The following MPDU1 variants were observed in gnomAD, a reference collection of about 807,000 sequenced individuals.
MPDU1 encodes mannose-P-dolichol utilization defect 1.
MPDU1 carries 18 observed loss-of-function variants against 27.6 expected under a neutral mutation model. The ratio of observed to expected loss-of-function variants is 0.65; its 90% CI spans 0.45 to 0.97. MPDU1 has a LOEUF of 0.97. Ranked by LOEUF, MPDU1 falls within the 50% of genes least tolerant of loss-of-function variation. MPDU1 has a pLI of 0.00. For missense variants in MPDU1, 279 were observed against 297.4 expected (o/e 0.94, Z 0.46); for synonymous variants, 142 against 131.1 (o/e 1.08, Z -0.57).
At chr17:7,584,129 G>C (rs924070017) in intron 1 of MPDU1, 164 bp downstream of exon 1, 7 of 733,030 alleles carry the variant, frequency 9.5e-6, no homozygotes, top group African/African-American at 1.7e-5. Context: ...CTTAGAGGGA[G>C]GACACCATAT....
chr17:7,584,757 C>A (rs1034998243), intron 1 of MPDU1, among the ~76,000 whole-genome samples: 1 of 152,040 alleles, frequency 6.6e-6, no homozygotes. Flanking sequence ...TTTGGGAGGC[C>A]GAAGCGGGTG....
Position 7,583,906 on chromosome 17 carries a change from CG to C in MPDU1, c.45del (p.Ile16PhefsTer41), listed in dbSNP as rs781526044. ...ADGPLKRLLV[P>X]ILLPEKCYDQ... Reference sequence around the variant, plus strand: ...GGACCGCTTAAACGGCTGCTCGTGCCGATTCTTTTACCTGAGAAATGCTACG... The same window carrying C: ...GGACCGCTTAAACGGCTGCTCGTGCCATTCTTTTACCTGAGAAATGCTACG... On this transcript the variant is annotated frameshift_variant, in exon 1 of 7. Transcript: ENST00000250124. LOFTEE classifies it high-confidence loss of function. The C allele has an allele frequency of 2.5e-6, 4 of 1,614,176 alleles. No individual in the cohort carries two copies. The highest frequency in any genetic ancestry group is 3.4e-6 in the Non-Finnish European group (4 of 1,180,052).
At position 7,587,238 on chromosome 17, in the gene MPDU1, G is replaced by A. The variant is rs1287948855; in HGVS notation, c.585G>A (p.Gly195=). The change falls in exon 6 of 7, where the codon GGG becomes GGA. Residue 195 remains glycine (G), a synonymous_variant. Coordinates refer to ENST00000250124, the MANE Select transcript of MPDU1 (RefSeq NM_004870.4). ...CCATCACAGTCTTCCTGCTGTTTGGGGGCTCCCTGGCCCGAATCTTCACTT... is the reference window on the plus strand; with the variant it reads ...CCATCACAGTCTTCCTGCTGTTTGGAGGCTCCCTGGCCCGAATCTTCACTT... The part of the protein sequence containing the change: ...LSAITVFLLF[G]GSLARIFTSI... 2 of 1,613,906 alleles carry A rather than the reference G, an allele frequency of 1.2e-6. No homozygotes were observed. Among genetic ancestry groups the A allele is most frequent in the Non-Finnish European group, 1.7e-6 (2 of 1,180,014 alleles).
chr17:7,588,120 G>A lies in MPDU1; in HGVS notation c.*569G>A, dbSNP rs1180199216. The A allele has an allele frequency of 2.5e-5, 16 of 631,174 alleles. No individual in the cohort carries two copies. The Admixed American group carries it at 3.4e-4, about 13-fold the overall frequency. 39.1% of individuals were successfully genotyped at this position (631,174 alleles called of 1,614,324 possible). On this transcript the variant is annotated 3_prime_UTR_variant, in exon 7 of 7. Coordinates refer to ENST00000250124, the MANE Select transcript of MPDU1 (RefSeq NM_004870.4). ...GTCTAGGCGGAAGGGAGTGGAGATGGGGCTGGTTCCTGCTGCAGTGAGGGG... is the reference window on the plus strand; with the variant it reads ...GTCTAGGCGGAAGGGAGTGGAGATGAGGCTGGTTCCTGCTGCAGTGAGGGG...
intron 1 of MPDU1, 26 bp from the exon 2 acceptor site, chr17:7,585,706 C>T (rs771090848): frequency 2.5e-6 from 4 of 1,612,878 alleles, no homozygotes; most frequent in East Asian, 4.5e-5. Context: ...CATCTCCTGT[C>T]TGCTTACCCT....
intron 6 of MPDU1, 29 bp from the exon 7 acceptor site, chr17:7,587,397 G>A (rs748205839): frequency 1.2e-6 from 2 of 1,613,932 alleles, no homozygotes; most frequent in Non-Finnish European, 1.7e-6. Flanking sequence ...ATGCTGAAGG[G>A]TAACCCTGGC....
intron 4 of MPDU1, 37 bp downstream of exon 4, chr17:7,586,814 C>CCTGGGAACCCTG (rs2071590497): frequency 6.2e-7 from 1 of 1,612,236 alleles, no homozygotes; most frequent in East Asian, 2.2e-5. Flanking sequence ...CTGTGTGGTT[C>CCTGGGAACCCTG]CTGGGAACCC....
chr17:7,585,742 C>G lies in MPDU1; in HGVS notation c.114C>G (p.Leu38=), dbSNP rs201061945. 5.5e-5 allele frequency: 89 copies of G among 1,614,004 alleles called. No homozygotes were observed. The highest frequency in any genetic ancestry group is 7.3e-5 in the Non-Finnish European group (86 of 1,180,024). The change falls in exon 2 of 7, where the codon CTC becomes CTG. Residue 38 remains leucine, a synonymous_variant. Coordinates refer to ENST00000250124, the MANE Select transcript of MPDU1 (RefSeq NM_004870.4). ...TTTTTCTCTCCTCAGTCCCCTGCCT[C>G]AAGATTCTCCTCAGCAAAGGCCTGG... ...VQWDLLHVPC[L]KILLSKGLGL...
chr17:7,583,787 C>T (rs752049478), upstream of MPDU1: 1 of 1,462,716 alleles, frequency 6.8e-7, no homozygotes, highest in Admixed American at 1.7e-5. Flanking sequence ...GAACGGGAGG[C>T]GGAGTGTCCG....
At position 7,587,462 on chromosome 17, in the gene MPDU1, GTCTCCTC is replaced by G; in HGVS notation, c.660_666del (p.Ser221AlafsTer47). 6.2e-7 allele frequency: 1 copy of G among 1,613,814 alleles called. No individual in the cohort carries two copies. Among genetic ancestry groups the G allele is most frequent in the South Asian group, 1.1e-5 (1 of 91,068 alleles). On this transcript the variant is annotated frameshift_variant, in exon 7 of 7. Transcript: ENST00000250124. LOFTEE classifies it high-confidence loss of function. ...TCCCCTGATGGCTGGGACCTTTGTG[GTCTCCTC>G]TCTCTGCAACGGCCTCATCGCCGCC...
rs141320993 is a variant in MPDU1 at position 7,586,727 on chromosome 17, C to G, written c.338C>G (p.Thr113Arg). ...WGEALFLMLQ[T>R]ITICFLVMHY... ...GAAGCCTTATTCCTGATGCTCCAGA[C>G]GATCACCATCTGCTTCCTGGTCATG... is the stretch of plus-strand genomic sequence containing the variant. Residue 113 changes from threonine (T) to arginine (R), a missense_variant, in exon 4 of 7, where the codon ACG becomes AGG. By Grantham distance (71) the Thr-to-Arg change is moderately conservative. Coordinates refer to ENST00000250124, the MANE Select transcript of MPDU1 (RefSeq NM_004870.4). 4.3e-6 allele frequency: 7 copies of G among 1,614,152 alleles called. No individual in the cohort carries two copies. The highest frequency in any genetic ancestry group is 2.2e-5 in the East Asian group (1 of 44,872).
In MPDU1 at chr17:7,586,047, G is replaced by T; in HGVS notation, c.271G>T (p.Val91Phe). The T allele has an allele frequency of 6.2e-7, 1 of 1,613,932 alleles. No homozygotes were observed. The change falls in exon 3 of 7, where the codon GTC becomes TTC. Residue 91 changes from valine to phenylalanine, a missense_variant. Coordinates refer to ENST00000250124, the MANE Select transcript of MPDU1 (RefSeq NM_004870.4). Reference protein sequence around the residue: ...LELVALTGTMVYSITNNFPFS... With the variant: ...LELVALTGTMFYSITNNFPFS... Reference sequence around the variant, plus strand: ...GCTAGTGGCATTGACTGGGACCATGGTCTACAGCATCACTAACAACTTCCC... The same window carrying T: ...GCTAGTGGCATTGACTGGGACCATGTTCTACAGCATCACTAACAACTTCCC...
rs368683775 is a variant in MPDU1, at chr17:7,587,605, TC to T, written c.*58del. The T allele has an allele frequency of 3.1e-5, 50 of 1,611,620 alleles. No individual in the cohort carries two copies. In the African/African-American group the frequency reaches 6.3e-4, roughly 20 times the overall value. On this transcript the variant is annotated 3_prime_UTR_variant, in exon 7 of 7. Transcript: ENST00000250124. ...ACTCATTCACCCAACCTCAGGGTTC[TC>T]CCCATCTGAGCCAGCCTGCTGGTGT...
chr17:7,584,241 AAATT>A (rs2071543848), intron 1 of MPDU1: 1 of 595,878 alleles, frequency 1.7e-6, no homozygotes, highest in Non-Finnish European at 3.0e-6. Context: ...AACAAAATAA[AAATT>A]AAGTCAAATC....
At position 7,587,868 on chromosome 17, in the gene MPDU1, T is replaced by A. The variant is rs746850584; in HGVS notation, c.*317T>A. Reference sequence around the variant, plus strand: ...AGCAATTTCCAGCTGTGTAACACTATCCTGGGCAAATGTTTTACCCTGTCC... The same window carrying A: ...AGCAATTTCCAGCTGTGTAACACTAACCTGGGCAAATGTTTTACCCTGTCC... On this transcript the variant is annotated 3_prime_UTR_variant, in exon 7 of 7. Coordinates refer to ENST00000250124, the MANE Select transcript of MPDU1 (RefSeq NM_004870.4). 1 of 511,030 alleles carries A rather than the reference T, an allele frequency of 2.0e-6. No individual in the cohort carries two copies. The highest frequency in any genetic ancestry group is 2.3e-5 in the Admixed American group (1 of 44,180). 31.7% of individuals were successfully genotyped at this position (511,030 alleles called of 1,614,324 possible).
chr17:7,583,944 G>C lies in MPDU1; in HGVS notation c.82G>C (p.Val28Leu). Reference sequence around the variant, plus strand: ...TGAGAAATGCTACGACCAACTTTTCGTTCAGTGGGACTTGCTTCACGGTGA... The same window carrying C: ...TGAGAAATGCTACGACCAACTTTTCCTTCAGTGGGACTTGCTTCACGGTGA... Reference protein sequence around the residue: ...LPEKCYDQLFVQWDLLHVPCL... With the variant: ...LPEKCYDQLFLQWDLLHVPCL... The change falls in exon 1 of 7, where the codon GTT becomes CTT. Residue 28 changes from valine to leucine, a missense_variant. By Grantham distance (32) the Val-to-Leu change is conservative (BLOSUM62 1). Coordinates refer to ENST00000250124, the MANE Select transcript of MPDU1 (RefSeq NM_004870.4). 1.2e-6 allele frequency: 2 copies of C among 1,614,124 alleles called. No homozygotes were observed. The highest frequency in any genetic ancestry group is 2.2e-5 in the East Asian group (1 of 44,884).
chr17:7,584,035 C>T, intron 1 of MPDU1, 70 bp downstream of exon 1: 2 of 1,478,786 alleles, frequency 1.4e-6, no homozygotes, highest in Non-Finnish European at 9.4e-7. Context: ...AAGCCTTGAT[C>T]GGCGACTAAG....
At chr17:7,585,908 G>T in intron 2 of MPDU1, 38 bp from the exon 3 acceptor site, 1 of 1,614,104 alleles carries the variant, frequency 6.2e-7, no homozygotes, top group South Asian at 1.1e-5. Flanking sequence ...CCAAAGAATG[G>T]AGAGTCCTCA....
rs1333914117 is a variant in MPDU1 at position 7,587,505 on chromosome 17, TCTA to T, written c.701_703del (p.Tyr234del). ...GGCCTCATCGCCGCCCAGCTGCTCT[TCTA>T]CTGGAATGCAAAGCCTCCCCACAAG... On this transcript the variant is annotated inframe_deletion, in exon 7 of 7. Coordinates refer to ENST00000250124, the MANE Select transcript of MPDU1 (RefSeq NM_004870.4). 1 of 1,613,628 alleles carries T rather than the reference TCTA, an allele frequency of 6.2e-7. No individual in the cohort carries two copies. The highest frequency in any genetic ancestry group is 8.5e-7 in the Non-Finnish European group (1 of 1,179,950).
Sources: gnomAD v4.1 joint callset for allele counts (sites outside exome capture counted in the v4.1 genomes callset) on GRCh38, gnomAD v4.1.1 for gene constraint, MANE v1.5 for transcripts, NCBI Gene and HGNC (gene_info 2026-07-23, HGNC 2026-07-21) for gene names.